The following MTCL1 variants were observed in gnomAD, a reference collection of about 807,000 sequenced individuals.
The protein encoded by MTCL1 is microtubule cross-linking factor 1.
MTCL1 carries 79 observed loss-of-function variants against 141.4 expected under a neutral mutation model. That is an observed-to-expected ratio of 0.56 (90% CI 0.47 to 0.67). The LOEUF is 0.67. Ranked by LOEUF, MTCL1 falls within the 30% of genes least tolerant of loss-of-function variation. The pLI, the probability that MTCL1 is intolerant of heterozygous loss-of-function variation, is 0.00. For missense variants in MTCL1, 2,177 were observed against 2,113.9 expected (o/e 1.03, Z -0.59); for synonymous variants, 914 against 875.8 (o/e 1.04, Z -0.77).
chr18:8,825,632 C>G (rs78834168), exon 15 of MTCL1: 1 of 1,613,846 alleles, frequency 6.2e-7, no homozygotes, highest in Non-Finnish European at 8.5e-7. Context: ...CCCCTGCCAT[C>G]GAGAAGGTGC....
At chr18:8,771,181 G>A (rs1460112224) in intron 4 of MTCL1, among the ~76,000 whole-genome samples, 1 of 152,010 alleles carries the variant, frequency 6.6e-6, no homozygotes, top group Non-Finnish European at 1.5e-5. Context: ...TAGAGATGGG[G>A]TCTCGCAATG....
At chr18:8,785,876 G>T in intron 6 of MTCL1, 60 bp from the exon 6 acceptor site, 3 of 1,516,018 alleles carry the variant, frequency 2.0e-6, no homozygotes, top group Non-Finnish European at 2.6e-6. Context: ...TTGTTTGTTT[G>T]TTTTTTTGTT....
At chr18:8,726,538 T>TGC (rs1360454908) in intron 4 of MTCL1, among the ~76,000 whole-genome samples, 1 of 75,318 alleles carries the variant, frequency 1.3e-5, no homozygotes, top group Non-Finnish European at 2.8e-5. Flanking sequence ...CGAGTGCGCA[T>TGC]GCGCGCGCGC....
Position 8,779,121 on chromosome 18 carries a change from G to A in MTCL1, c.417+1229G>A, listed in dbSNP as rs1325811864. On this transcript the variant is annotated intron_variant, in intron 5 of 16. Transcript: ENST00000359865. The surrounding 1 kb of genome is among the most constrained non-coding windows in gnomAD (Gnocchi z 4.1). ...GCGCCCCGGCGCAAGGTAGGCACGTGGGCAGTCACCCGCTCAGGGTGCTGG... is the reference window on the plus strand; with the variant it reads ...GCGCCCCGGCGCAAGGTAGGCACGTAGGCAGTCACCCGCTCAGGGTGCTGG... 2.0e-5 allele frequency among the ~76,000 whole-genome samples: 3 copies of A among 152,236 alleles called. No homozygotes were observed. The highest frequency in any genetic ancestry group is 1.3e-4 in the Admixed American group (2 of 15,284).
At chr18:8,713,577 A>G (rs1167686253), upstream of MTCL1, among the ~76,000 whole-genome samples, 1 of 152,216 alleles carries the variant, frequency 6.6e-6, no homozygotes, top group Non-Finnish European at 1.5e-5. Context: ...TCCAGTAATC[A>G]TAGTTTTTGC....
At chr18:8,798,390 G>A (rs546459706) in intron 10 of MTCL1, 99 bp downstream of exon 9, 4 of 1,089,864 alleles carry the variant, frequency 3.7e-6, no homozygotes, top group South Asian at 4.9e-5. Flanking sequence ...TGGCATTCAG[G>A]TAGCAGAAAA....
At chr18:8,784,906 T>G in intron 6 of MTCL1, 63 bp downstream of exon 5, 1 of 1,426,860 alleles carries the variant, frequency 7.0e-7, no homozygotes, top group Non-Finnish European at 9.4e-7. Flanking sequence ...TCGCTGGCAT[T>G]GCTGCACTCG....
Position 8,816,543 on chromosome 18 carries a change from A to G in MTCL1, c.2860-2420A>G, listed in dbSNP as rs1490056950. Among the ~76,000 whole-genome samples the G allele has an allele frequency of 2.6e-5, 4 of 152,190 alleles. No homozygotes were observed. The East Asian group carries it at 5.8e-4, about 22-fold the overall frequency. On this transcript the variant is annotated intron_variant, in intron 12 of 16. Coordinates refer to ENST00000359865, the Ensembl canonical transcript of MTCL1. ...GGGTAGGAGACTTTTATGGAGTCAC[A>G]CTACATTTCTCCTTAGAATTGTTGA...
chr18:8,777,729 C>A, intron 4 of MTCL1, 104 bp from the exon 4 acceptor site: 4 of 936,824 alleles, frequency 4.3e-6, no homozygotes, highest in Non-Finnish European at 6.6e-6. Flanking sequence ...TGGGAAACAG[C>A]CTCCGTTCAG....
chr18:8,808,193 G>T (rs1436358767), intron 11 of MTCL1, among the ~76,000 whole-genome samples: 1 of 152,238 alleles, frequency 6.6e-6, no homozygotes, highest in South Asian at 2.1e-4. Context: ...GCCCGCGGGG[G>T]ATTTGACCTA....
At chr18:8,785,619 T>G in intron 6 of MTCL1, 1 of 326,080 alleles carries the variant, frequency 3.1e-6, no homozygotes, top group Non-Finnish European at 5.7e-6. Context: ...GAGTTCTGGA[T>G]TCACGCATCG....
chr18:8,786,653 T>C (rs967247658), intron 7 of MTCL1: 3 of 284,512 alleles, frequency 1.1e-5, no homozygotes, highest in Admixed American at 4.2e-5. Flanking sequence ...ACAGAGACCA[T>C]GGTTGGAAGT....
At chr18:8,831,772 G>C (rs2077200395) in exon 17 of MTCL1, 1 of 1,550,146 alleles carries the variant, frequency 6.5e-7, no homozygotes, top group Non-Finnish European at 8.7e-7. Context: ...TGGTGGCGAG[G>C]AGCCGCCCGA....
intron 11 of MTCL1, among the ~76,000 whole-genome samples, chr18:8,808,297 T>TA (rs1006014641): frequency 4.8e-5 from 7 of 146,458 alleles, no homozygotes; most frequent in Admixed American, 6.6e-5. Context: ...TTAACCCTAT[T>TA]AAAAAAAATA....
chr18:8,825,142 A>G (rs1400051092), exon 15 of MTCL1: 1 of 1,586,016 alleles, frequency 6.3e-7, no homozygotes, highest in South Asian at 1.2e-5. Flanking sequence ...GCAGGTGGTG[A>G]GGGTCCCTTT....
At chr18:8,825,207 C>T in exon 15 of MTCL1, 1 of 1,594,474 alleles carries the variant, frequency 6.3e-7, no homozygotes, top group Non-Finnish European at 8.5e-7. Context: ...CCCTCCAGAA[C>T]CCATGCTCAG....
chr18:8,741,013 G>A (rs1309204251), intron 4 of MTCL1, among the ~76,000 whole-genome samples: 1 of 152,168 alleles, frequency 6.6e-6, no homozygotes, highest in East Asian at 1.9e-4. Flanking sequence ...TTTCCACAAA[G>A]CAACCCTAAA....
intron 10 of MTCL1, among the ~76,000 whole-genome samples, 197 bp from the exon 10 acceptor site, chr18:8,806,696 C>G (rs1203790917): frequency 6.6e-6 from 1 of 152,162 alleles, no homozygotes; most frequent in African/African-American, 2.4e-5. Flanking sequence ...GTCTCAGGCC[C>G]AGGAGACCGA....
Position 8,796,466 on chromosome 18 carries a change from A to C in MTCL1, c.2241+4A>C, listed in dbSNP as rs199885390. The stretch of plus-strand genomic sequence containing the variant: ...GGAAGGAGAGGAGTTCACTGAGGTA[A>C]CTCCACTGTCGAATTCCTTTTATTT... On this transcript the variant is annotated splice_donor_region_variant and intron_variant, in intron 9 of 16. Transcript: ENST00000359865. 1,782 of 1,613,754 alleles carry C rather than the reference A, an allele frequency of 1.1e-3. 1 individual carries two copies. Among genetic ancestry groups the C allele is most frequent in the Admixed American group, 1.2e-3 (74 of 59,990 alleles).
Sources: allele counts gnomAD v4.1 joint callset (sites outside exome capture counted in the v4.1 genomes callset), GRCh38; gene constraint gnomAD v4.1.1; non-coding constraint Gnocchi (gnomAD v3.1); transcripts MANE v1.5; gene names NCBI Gene and HGNC (gene_info 2026-07-23, HGNC 2026-07-21).